The following ACTR3C variants were observed in gnomAD, a reference collection of about 807,000 sequenced individuals.
The protein encoded by ACTR3C is actin-related protein 3C.
In ACTR3C, 18 loss-of-function variants were observed where a neutral mutation model predicts 26.3. The ratio of observed to expected loss-of-function variants is 0.68; its 90% CI spans 0.47 to 1.01. The LOEUF is 1.01. Among genes scored for constraint, ACTR3C ranks in the 50% least tolerant of loss-of-function variants. The probability of loss-of-function intolerance (pLI) is 0.00; values close to 1 mark genes in which losing one functional copy is unlikely to be tolerated. For synonymous variants in ACTR3C, 55 were observed against 94.5 expected, an observed-to-expected ratio of 0.58 and a Z score of 2.42; for missense variants, 184 against 250.7, an observed-to-expected ratio of 0.73 and a Z score of 1.80.
the ACTR3C span, among the ~76,000 whole-genome samples, chr7:149,945,825 C>G: frequency 6.6e-6 from 1 of 152,198 alleles, no homozygotes. Context: ...TATGCACGGA[C>G]AGTGGTAGTC....
At chr7:150,112,062 A>G in the ACTR3C span, among the ~76,000 whole-genome samples, 4 of 149,350 alleles carry the variant, frequency 2.7e-5, no homozygotes, top group African/African-American at 9.9e-5. Context: ...AGGCTAGATC[A>G]TTCCTCATTT....
the ACTR3C span, among the ~76,000 whole-genome samples, chr7:150,039,007 G>GC: frequency 4.1e-5 from 2 of 49,382 alleles, no homozygotes; most frequent in African/African-American, 1.2e-4. Flanking sequence ...GCCGGGGGGC[G>GC]GGGAAGAGGG....
At chr7:150,100,083 T>C in the ACTR3C span, among the ~76,000 whole-genome samples, 1 of 151,662 alleles carries the variant, frequency 6.6e-6, no homozygotes, top group Non-Finnish European at 1.5e-5. Context: ...TCGGCTCTTC[T>C]GATATAGAGA....
At chr7:150,252,128 G>C (rs60985722) in intron 6 of ACTR3C, among the ~76,000 whole-genome samples, 16,066 of 148,384 alleles carry the variant, frequency 0.11, 1,363 homozygotes, top group African/African-American at 0.23. Context: ...ATGTGTCTGT[G>C]TGTGTGTGTG....
At chr7:150,047,054 C>G in the ACTR3C span, among the ~76,000 whole-genome samples, 2 of 151,594 alleles carry the variant, frequency 1.3e-5, no homozygotes, top group African/African-American at 4.9e-5. Context: ...GGATAATCAC[C>G]ACCACCACCG....
At chr7:150,318,032 TC>T (rs2129617364) in intron 1 of ACTR3C, among the ~76,000 whole-genome samples, 2 of 152,294 alleles carry the variant, frequency 1.3e-5, no homozygotes, top group Non-Finnish European at 2.9e-5. Flanking sequence ...AATGGGGATT[TC>T]CTCTCAATGG....
chr7:150,287,148 C>T (rs979800380), intron 4 of ACTR3C, among the ~76,000 whole-genome samples: 14 of 151,618 alleles, frequency 9.2e-5, no homozygotes, highest in Admixed American at 9.2e-4. Flanking sequence ...ACTGGGTATT[C>T]TAAGTCCCTC....
chr7:149,891,783 T>C, the ACTR3C span, among the ~76,000 whole-genome samples: 1 of 88,596 alleles, frequency 1.1e-5, no homozygotes, highest in Admixed American at 1.5e-4. Flanking sequence ...CAAGACGGCA[T>C]CACAGCACTC....
At chr7:150,261,701 CATAA>C (rs200953239) in intron 6 of ACTR3C, among the ~76,000 whole-genome samples, 2 of 109,572 alleles carry the variant, frequency 1.8e-5, no homozygotes, top group African/African-American at 3.8e-5. Context: ...GACTCCATCT[CATAA>C]ATAAATAAAT....
intron 6 of ACTR3C, among the ~76,000 whole-genome samples, chr7:150,252,739 C>G (rs1832941527): frequency 6.6e-6 from 1 of 152,000 alleles, no homozygotes; most frequent in African/African-American, 2.4e-5. Flanking sequence ...AAGTACCTTT[C>G]TATTAAAACT....
chr7:150,158,509 TA>T, the ACTR3C span, among the ~76,000 whole-genome samples: 1 of 152,110 alleles, frequency 6.6e-6, no homozygotes, highest in African/African-American at 2.4e-5. Context: ...TATTCAGCTT[TA>T]AAAAAAGAAT....
chr7:150,193,408 C>CTTTTTTTTTTT, the ACTR3C span, among the ~76,000 whole-genome samples: 2 of 133,470 alleles, frequency 1.5e-5, no homozygotes, highest in African/African-American at 2.7e-5. Context: ...TTTTTATTTT[C>CTTTTTTTTTTT]TTTTTTTTTT....
At chr7:150,244,348 A>C (rs963852653), downstream of ACTR3C, 2 of 150,690 alleles carry the variant, frequency 1.3e-5, no homozygotes, top group African/African-American at 4.9e-5. Context: ...TATTCAATAT[A>C]GTCTTAGAAA....
At chr7:150,097,061 T>C in the ACTR3C span, among the ~76,000 whole-genome samples, 1 of 152,136 alleles carries the variant, frequency 6.6e-6, no homozygotes, top group Admixed American at 6.5e-5. Context: ...CTTCTTTTAT[T>C]CCAAACCCTT....
chr7:150,116,058 CAA>C, the ACTR3C span, among the ~76,000 whole-genome samples: 1 of 152,138 alleles, frequency 6.6e-6, no homozygotes, highest in Non-Finnish European at 1.5e-5. Flanking sequence ...TAAAAAGTTT[CAA>C]AAGAGTTTGA....
chr7:150,261,009 C>T (rs1457482221), intron 6 of ACTR3C, among the ~76,000 whole-genome samples: 3 of 152,078 alleles, frequency 2.0e-5, no homozygotes, highest in South Asian at 2.1e-4. Context: ...AACTGTAGTA[C>T]TAGAAATTGA....
the ACTR3C span, among the ~76,000 whole-genome samples, chr7:150,036,049 C>T: frequency 2.5e-5 from 3 of 119,786 alleles, no homozygotes; most frequent in South Asian, 7.5e-4. Context: ...GGAAGAGGGG[C>T]TCGCTCTCAG....
the ACTR3C span, among the ~76,000 whole-genome samples, chr7:150,214,986 G>C: frequency 6.7e-6 from 1 of 149,620 alleles, no homozygotes; most frequent in Non-Finnish European, 1.5e-5. Context: ...TAAAAATGTA[G>C]GTGGGATTCA....
the ACTR3C span, among the ~76,000 whole-genome samples, chr7:150,142,582 G>A: frequency 3.3e-5 from 5 of 152,140 alleles, no homozygotes; most frequent in South Asian, 2.1e-4. Context: ...AGGCTGGAGC[G>A]CAGTGGTGTG....
Sources: gnomAD v4.1 joint callset for allele counts (sites outside exome capture counted in the v4.1 genomes callset) on GRCh38, gnomAD v4.1.1 for gene constraint, MANE v1.5 for transcripts, NCBI Gene and HGNC (gene_info 2026-07-23, HGNC 2026-07-21) for gene names.